The following GCNT3 variants were observed in gnomAD, a reference collection of about 807,000 sequenced individuals.
GCNT3 encodes glucosaminyl (N-acetyl) transferase 3, mucin type.
For missense variants in GCNT3, 708 were observed against 530.3 expected (o/e 1.34, Z -3.29); for synonymous variants, 269 against 195.2 (o/e 1.38, Z -3.15).
Position 59,618,417 on chromosome 15 carries a change from T to C in GCNT3, c.179T>C (p.Leu60Pro). The C allele has an allele frequency of 6.2e-7, 1 of 1,614,132 alleles. No individual in the cohort carries two copies. The highest frequency in any genetic ancestry group is 8.5e-7 in the Non-Finnish European group (1 of 1,179,990). Reference sequence around the variant, plus strand: ...TGTAGGAATATCTTGTATAATTTCCTGAAACTTCCAGCAAAGAGGTCTATC... The same window carrying C: ...TGTAGGAATATCTTGTATAATTTCCCGAAACTTCCAGCAAAGAGGTCTATC... ...QYCRNILYNF[L>P]KLPAKRSINC... The change falls in exon 3 of 3, where the codon CTG (leucine) becomes CCG (proline). Residue 60 changes from leucine (L) to proline (P), a missense_variant. By Grantham distance (98) the Leu-to-Pro change is moderately conservative. Coordinates refer to ENST00000396065, the MANE Select transcript of GCNT3 (RefSeq NM_004751.3).
rs1446021019 is a variant in GCNT3, at chr15:59,619,537, C to A, written c.1299C>A (p.Ile433=). 1.9e-6 allele frequency: 3 copies of A among 1,593,754 alleles called. No individual in the cohort carries two copies. Among genetic ancestry groups the A allele is most frequent in the African/African-American group, 2.7e-5 (2 of 74,486 alleles). ...CLEEYLRYKA[I]YGTEL ...AAGAATACCTACGTTATAAGGCCAT[C>A]TATGGGACTGAACTTTGAGACACAC... Residue 433 remains isoleucine, a synonymous_variant, in exon 3 of 3, where the codon ATC becomes ATA. Coordinates refer to ENST00000396065, the MANE Select transcript of GCNT3 (RefSeq NM_004751.3).
In GCNT3 at chr15:59,616,762, A is replaced by G. The variant is rs2141935961; in HGVS notation, c.-180A>G. 6.6e-6 allele frequency: 1 copy of G among 152,356 alleles called. No individual in the cohort carries two copies. The highest frequency in any genetic ancestry group is 6.5e-5 in the Admixed American group (1 of 15,298). 9.4% of individuals were successfully genotyped at this position (152,356 alleles called of 1,614,324 possible). A position where few individuals can be genotyped will look rare whatever the true frequency, so the allele number is the denominator to read the frequency against. On this transcript the variant is annotated 5_prime_UTR_variant, in exon 2 of 3. An upstream open reading frame in the 5' UTR loses its in-frame stop. Transcript: ENST00000396065. ...GTCAGAAAATACCTTTTGGAGGGTT[A>G]GAAGATCAGGGGACATGGTTGTTCA...
At chr15:59,617,434 A>G (rs1248190635) in intron 2 of GCNT3, among the ~76,000 whole-genome samples, 6 of 152,074 alleles carry the variant, frequency 3.9e-5, no homozygotes, top group Non-Finnish European at 8.8e-5. Context: ...TCTATAAAAG[A>G]GGCTTAATAA....
chr15:59,617,103 CTTTTTTT>C (rs1182777829), intron 2 of GCNT3, among the ~76,000 whole-genome samples: 2 of 137,066 alleles, frequency 1.5e-5, no homozygotes, highest in Non-Finnish European at 3.2e-5. Context: ...TTTATTTTTT[CTTTTTTT>C]TCCATATTCA....
At position 59,618,237 on chromosome 15, in the gene GCNT3, C is replaced by G; in HGVS notation, c.-2C>G. On this transcript the variant is annotated 5_prime_UTR_variant, in exon 3 of 3. Transcript: ENST00000396065. ...TCTCCACCTGTCTCCCATTCTGTGA[C>G]GATGGTTCAATGGAAGAGACTCTGC... 3 of 1,532,514 alleles carry G rather than the reference C, an allele frequency of 2.0e-6. No homozygotes were observed. The highest frequency in any genetic ancestry group is 1.2e-5 in the South Asian group (1 of 81,714). 94.9% of individuals were successfully genotyped at this position (1,532,514 alleles called of 1,614,324 possible). A position where few individuals can be genotyped will look rare whatever the true frequency, so the allele number is the denominator to read the frequency against.
At position 59,620,579 on chromosome 15, in the gene GCNT3, G is replaced by C. The variant is rs909457702; in HGVS notation, c.*1024G>C. On this transcript the variant is annotated 3_prime_UTR_variant, in exon 3 of 3. Coordinates refer to ENST00000396065, the MANE Select transcript of GCNT3 (RefSeq NM_004751.3). ...TTTGTGATTTTTCTGTAAAGGAAAA[G>C]GCAGGGTGATTTAACCAGTTTGACC... The C allele has an allele frequency of 6.0e-6, 1 of 167,002 alleles. No individual in the cohort carries two copies. Among genetic ancestry groups the C allele is most frequent in the East Asian group, 1.9e-4 (1 of 5,186 alleles). 10.3% of individuals were successfully genotyped at this position (167,002 alleles called of 1,614,324 possible). A position where few individuals can be genotyped will look rare whatever the true frequency, so the allele number is the denominator to read the frequency against.
rs1471187872 is a variant in GCNT3, at chr15:59,617,278, G to C, written c.-61+397G>C. On this transcript the variant is annotated intron_variant, in intron 2 of 2. Coordinates refer to ENST00000396065, the MANE Select transcript of GCNT3 (RefSeq NM_004751.3). The stretch of plus-strand genomic sequence containing the variant: ...AAAGAGCTATAATACTTCCTGTATT[G>C]TATTTCAAAGGTAGCTGTGGTTTGT... Among the ~76,000 whole-genome samples the C allele has an allele frequency of 2.7e-5, 4 of 145,538 alleles. No individual in the cohort carries two copies. In the East Asian group the frequency reaches 8.3e-4, roughly 30 times the overall value.
At position 59,619,718 on chromosome 15, in the gene GCNT3, T is replaced by G; in HGVS notation, c.*163T>G. 1 of 621,830 alleles carries G rather than the reference T, an allele frequency of 1.6e-6. No homozygotes were observed. Among genetic ancestry groups the G allele is most frequent in the Non-Finnish European group, 3.0e-6 (1 of 338,820 alleles). 38.5% of individuals were successfully genotyped at this position (621,830 alleles called of 1,614,324 possible). A position where few individuals can be genotyped will look rare whatever the true frequency, so the allele number is the denominator to read the frequency against. The stretch of plus-strand genomic sequence containing the variant: ...GTGTGGGTAAGTAGATCTTTTGCCT[T>G]GCAAATTGCTGCCTGGGTGAATGCT... On this transcript the variant is annotated 3_prime_UTR_variant, in exon 3 of 3. Coordinates refer to ENST00000396065, the MANE Select transcript of GCNT3 (RefSeq NM_004751.3).
chr15:59,614,915 G>T (rs532864639), intron 1 of GCNT3: 2 of 152,082 alleles, frequency 1.3e-5, no homozygotes, highest in Non-Finnish European at 2.9e-5. Flanking sequence ...GTCAGAGGCC[G>T]GTGGGCAGAG....
Position 59,619,028 on chromosome 15 carries a change from C to G in GCNT3, c.790C>G (p.Arg264Gly). The G allele has an allele frequency of 1.2e-6, 2 of 1,614,044 alleles. No individual in the cohort carries two copies. The highest frequency in any genetic ancestry group is 1.7e-6 in the Non-Finnish European group (2 of 1,179,968). Residue 264 changes from arginine to glycine, a missense_variant, in exon 3 of 3, where the codon CGC becomes GGC. By Grantham distance (125) the Arg-to-Gly change is moderately radical (BLOSUM62 -2). Coordinates refer to ENST00000396065, the MANE Select transcript of GCNT3 (RefSeq NM_004751.3). Reference protein sequence around the residue: ...SEVPPKHKETRWKYHFEVVRD... With the variant: ...SEVPPKHKETGWKYHFEVVRD... ...GGTACCTCCTAAGCACAAAGAAACC[C>G]GCTGGAAATATCACTTTGAGGTAGT... is the stretch of plus-strand genomic sequence containing the variant.
chr15:59,615,864 G>A (rs1483564456), intron 1 of GCNT3, among the ~76,000 whole-genome samples: 2 of 152,164 alleles, frequency 1.3e-5, no homozygotes, highest in Non-Finnish European at 2.9e-5. Context: ...CTCCAGCCTG[G>A]GCGACAGAGC....
intron 1 of GCNT3, chr15:59,616,361 G>C (rs2082719749): frequency 6.6e-6 from 1 of 152,230 alleles, no homozygotes; most frequent in South Asian, 2.1e-4. Context: ...GGGAACATGA[G>C]TGACATTTGG....
At chr15:59,614,963 A>G in intron 1 of GCNT3, 1 of 152,158 alleles carries the variant, frequency 6.6e-6, no homozygotes, top group East Asian at 1.9e-4. Context: ...CTGCGCTGAA[A>G]ATCTTGGAGG....
intron 1 of GCNT3, 123 bp downstream of exon 1, chr15:59,612,104 G>C (rs552737693): frequency 1.3e-5 from 2 of 152,124 alleles, no homozygotes; most frequent in African/African-American, 4.8e-5. Context: ...AGGATTCCTC[G>C]AGCCTCCGTC....
At chr15:59,616,331 C>T (rs553165599) in intron 1 of GCNT3, 8 of 152,032 alleles carry the variant, frequency 5.3e-5, no homozygotes, top group Admixed American at 5.2e-4. Context: ...TATTTTTATT[C>T]CCACCTCTTG....
intron 1 of GCNT3, 181 bp from the exon 2 acceptor site, chr15:59,616,511 C>A (rs1044094321): frequency 1.3e-5 from 2 of 152,198 alleles, no homozygotes; most frequent in African/African-American, 4.8e-5. Context: ...CTGGGCTGTT[C>A]TGGCTGAAAT....
Position 59,619,220 on chromosome 15 carries a change from C to T in GCNT3, c.982C>T (p.Pro328Ser), listed in dbSNP as rs959158743. Reference sequence around the variant, plus strand: ...TGAATGGGTAAAAGACACTTATAGCCCAGATGAACACCTCTGGGCCACCCT... The same window carrying T: ...TGAATGGGTAAAAGACACTTATAGCTCAGATGAACACCTCTGGGCCACCCT... ...LIEWVKDTYSPDEHLWATLQR... is the reference protein window; with the variant it reads ...LIEWVKDTYSSDEHLWATLQR... Residue 328 changes from proline (P) to serine (S), a missense_variant, in exon 3 of 3, where the codon CCA (proline) becomes TCA (serine). By Grantham distance (74) the Pro-to-Ser change is moderately conservative (BLOSUM62 -1). Coordinates refer to ENST00000396065, the MANE Select transcript of GCNT3 (RefSeq NM_004751.3). 10 of 1,613,862 alleles carry T rather than the reference C, an allele frequency of 6.2e-6. No individual in the cohort carries two copies. Among genetic ancestry groups the T allele is most frequent in the Non-Finnish European group, 7.6e-6 (9 of 1,179,972 alleles).
chr15:59,613,231 G>A (rs1028501937), intron 1 of GCNT3, among the ~76,000 whole-genome samples: 1 of 152,190 alleles, frequency 6.6e-6, no homozygotes, highest in East Asian at 1.9e-4. Context: ...CAGCTTGAAT[G>A]TGGCAGAGCC....
chr15:59,620,928 G>A lies in GCNT3; in HGVS notation c.*1373G>A, dbSNP rs1890916161. On this transcript the variant is annotated 3_prime_UTR_variant, in exon 3 of 3. Transcript: ENST00000396065. ...AGACAGGTTCTCACTCTGTTGCCCAGGCTGGAGTGCAGTGGCATGATCTTG... is the reference window on the plus strand; with the variant it reads ...AGACAGGTTCTCACTCTGTTGCCCAAGCTGGAGTGCAGTGGCATGATCTTG... 1 of 119,362 alleles carries A rather than the reference G, an allele frequency of 8.4e-6. No homozygotes were observed. Among genetic ancestry groups the A allele is most frequent in the South Asian group, 2.9e-4 (1 of 3,424 alleles). The allele number at this position is 119,362 out of a possible 1,614,324, so 7.4% of individuals were successfully genotyped here.
Sources: gnomAD v4.1 joint callset for allele counts (sites outside exome capture counted in the v4.1 genomes callset) on GRCh38, gnomAD v4.1.1 for gene constraint, MANE v1.5 for transcripts, NCBI Gene and HGNC (gene_info 2026-07-23, HGNC 2026-07-21) for gene names.